The following BABAM2 variants were observed in gnomAD, a reference collection of about 807,000 sequenced individuals.
BABAM2 encodes BRISC and BRCA1 A complex member 2.
Under a neutral mutation model 54.7 loss-of-function variants are expected in BABAM2, and 31 were observed. The observed-to-expected ratio is 0.57, with a 90% CI of 0.43 to 0.77. The LOEUF (loss-of-function observed/expected upper bound fraction) is 0.77, where lower values mean the gene tolerates loss of function less well. Among genes scored for constraint, BABAM2 ranks in the 30% least tolerant of loss-of-function variants. The pLI, the probability that BABAM2 is intolerant of heterozygous loss-of-function variation, is 0.00. For missense variants in BABAM2, 364 were observed against 455.8 expected (o/e 0.80, Z 1.83); for synonymous variants, 167 against 162.9 (o/e 1.03, Z -0.19).
intron 7 of BABAM2, among the ~76,000 whole-genome samples, chr2:28,133,757 G>C (rs1670288849): frequency 6.6e-6 from 1 of 152,102 alleles, no homozygotes; most frequent in African/African-American, 2.4e-5. Context: ...TCATATGTAG[G>C]AAAAAATATT....
At chr2:28,203,159 C>T (rs986173518) in intron 7 of BABAM2, among the ~76,000 whole-genome samples, 8 of 152,204 alleles carry the variant, frequency 5.3e-5, no homozygotes, top group African/African-American at 1.9e-4. Flanking sequence ...TTTTAGTCCT[C>T]TCCGAATATG....
At chr2:27,989,411 T>C (rs1672623997) in intron 4 of BABAM2, among the ~76,000 whole-genome samples, 1 of 152,088 alleles carries the variant, frequency 6.6e-6, no homozygotes, top group Non-Finnish European at 1.5e-5. Context: ...ACAAAGAGTA[T>C]TTCAGGTGGG....
At chr2:28,044,792 A>G (rs2148609770) in intron 5 of BABAM2, among the ~76,000 whole-genome samples, 1 of 152,254 alleles carries the variant, frequency 6.6e-6, no homozygotes, top group African/African-American at 2.4e-5. Flanking sequence ...TCATTTCTGG[A>G]GTTCTTTTTT....
intron 8 of BABAM2, among the ~76,000 whole-genome samples, chr2:28,238,969 G>A (rs1020118877): frequency 1.3e-5 from 2 of 152,106 alleles, no homozygotes; most frequent in African/African-American, 2.4e-5. Flanking sequence ...AATGAGGACA[G>A]TATGGGCTGC....
chr2:28,139,567 C>CA (rs1280914191), intron 7 of BABAM2, among the ~76,000 whole-genome samples: 4 of 151,250 alleles, frequency 2.6e-5, no homozygotes, highest in East Asian at 1.9e-4. Flanking sequence ...GACTCCATCT[C>CA]AAAAAAAATG....
intron 11 of BABAM2, among the ~76,000 whole-genome samples, chr2:28,324,541 A>G (rs1255067218): frequency 1.3e-5 from 2 of 151,994 alleles, no homozygotes; most frequent in Non-Finnish European, 2.9e-5. Flanking sequence ...TGGGAGGCTG[A>G]GGCAGGAGGA....
At chr2:27,945,918 T>G (rs190961701) in intron 3 of BABAM2, among the ~76,000 whole-genome samples, 6 of 152,230 alleles carry the variant, frequency 3.9e-5, no homozygotes, top group Admixed American at 1.3e-4. Context: ...TTCTAATAAT[T>G]TTTTTGTAGA....
At position 28,250,131 on chromosome 2, in the gene BABAM2, A is replaced by G. The variant is rs141294576; in HGVS notation, c.934+5269A>G. On this transcript the variant is annotated intron_variant, in intron 10 of 11. Transcript: ENST00000379624. ...GCTGTGAGGTCTTCCCTATGCTTCT[A>G]TAGGGAAGACCTCCTATAGAGGGTG... Among the ~76,000 whole-genome samples the G allele has an allele frequency of 7.5e-3, 1,141 of 152,014 alleles. 19 individuals carry two copies. Among genetic ancestry groups the G allele is most frequent in the Admixed American group, 0.034 (514 of 15,266 alleles).
At position 28,025,537 on chromosome 2, in the gene BABAM2, A is replaced by T. The variant is rs566071849; in HGVS notation, c.495+117A>T. On this transcript the variant is annotated intron_variant, in intron 5 of 11. Transcript: ENST00000379624. ...TAGATAAACATGGTCCAGGTAGCCT[A>T]TATGTTTCTCATAATTTAGAGTTTA... 6.5e-5 allele frequency: 65 copies of T among 1,005,870 alleles called. No homozygotes were observed. In the African/African-American group the frequency reaches 9.5e-4, roughly 15 times the overall value. The allele number at this position is 1,005,870 out of a possible 1,614,324, so 62.3% of individuals were successfully genotyped here.
At chr2:28,128,582 C>T (rs895019855) in intron 6 of BABAM2, among the ~76,000 whole-genome samples, 1 of 152,152 alleles carries the variant, frequency 6.6e-6, no homozygotes, top group African/African-American at 2.4e-5. Flanking sequence ...TTATAAATTA[C>T]AGTAAGTTTA....
chr2:27,958,275 TGTA>T (rs1372005624), intron 3 of BABAM2, among the ~76,000 whole-genome samples: 1 of 151,924 alleles, frequency 6.6e-6, no homozygotes, highest in African/African-American at 2.4e-5. Flanking sequence ...GACAAGAGCC[TGTA>T]GGAGGGTGGA....
chr2:27,970,279 A>G (rs1671111957), intron 3 of BABAM2, among the ~76,000 whole-genome samples: 1 of 152,022 alleles, frequency 6.6e-6, no homozygotes, highest in Non-Finnish European at 1.5e-5. Context: ...ATTTCTTGTG[A>G]TGCTAATACA....
intron 7 of BABAM2, among the ~76,000 whole-genome samples, chr2:28,139,591 TA>T (rs923331494): frequency 4.6e-5 from 7 of 151,846 alleles, no homozygotes; most frequent in Non-Finnish European, 8.8e-5. Context: ...AAATAAAAAA[TA>T]AAAAAAATTT....
chr2:28,037,912 A>C (rs1339663387), intron 5 of BABAM2, among the ~76,000 whole-genome samples: 1 of 152,200 alleles, frequency 6.6e-6, no homozygotes, highest in African/African-American at 2.4e-5. Flanking sequence ...GAGCCTTGAT[A>C]TTATGGGATA....
chr2:28,140,657 A>G (rs62142463), intron 7 of BABAM2, among the ~76,000 whole-genome samples: 37,386 of 152,112 alleles, frequency 0.25, 5,220 homozygotes, highest in Middle Eastern at 0.33. Context: ...TTTAATCACA[A>G]CAGTATAAGT....
intron 6 of BABAM2, among the ~76,000 whole-genome samples, chr2:28,050,479 G>A (rs904440788): frequency 3.3e-5 from 5 of 152,216 alleles, no homozygotes; most frequent in East Asian, 1.9e-4. Flanking sequence ...ATCCTGAGCC[G>A]CTTATCACAA....
intron 6 of BABAM2, among the ~76,000 whole-genome samples, chr2:28,102,587 T>C (rs917149428): frequency 6.6e-6 from 1 of 152,242 alleles, no homozygotes; most frequent in Non-Finnish European, 1.5e-5. Context: ...TTGGAAAGGC[T>C]ATCAGCCATC....
chr2:28,036,301 A>C (rs559720504), intron 5 of BABAM2, among the ~76,000 whole-genome samples: 1 of 152,338 alleles, frequency 6.6e-6, no homozygotes, highest in Non-Finnish European at 1.5e-5. Context: ...AAGGTGTTTA[A>C]AAAATTGTTT....
intron 6 of BABAM2, among the ~76,000 whole-genome samples, chr2:28,117,280 A>G (rs1201595077): frequency 6.6e-6 from 1 of 152,242 alleles, no homozygotes; most frequent in African/African-American, 2.4e-5. Flanking sequence ...CTGTGTAGTA[A>G]GTATTCAAAT....
Sources: gnomAD v4.1 joint callset for allele counts (sites outside exome capture counted in the v4.1 genomes callset) on GRCh38, gnomAD v4.1.1 for gene constraint, MANE v1.5 for transcripts, NCBI Gene and HGNC (gene_info 2026-07-23, HGNC 2026-07-21) for gene names.